The following RASA4B variants were observed in gnomAD, a reference collection of about 807,000 sequenced individuals.
The protein encoded by RASA4B is RAS p21 protein activator 4B.
In RASA4B, 2 loss-of-function variants were observed where a neutral mutation model predicts 24.2. That is an observed-to-expected ratio of 0.08 (90% CI 0.03 to 0.26). RASA4B has a LOEUF of 0.26. Among genes scored for constraint, RASA4B ranks in the 10% least tolerant of loss-of-function variants. RASA4B has a pLI of 1.00. For missense variants in RASA4B, 8 were observed against 277.2 expected (o/e 0.03, Z 6.90); for synonymous variants, 2 against 125.6 (o/e 0.02, Z 6.58).
chr7:102,492,679 T>A (rs1204558774), intron 16 of RASA4B, among the ~76,000 whole-genome samples: 7 of 144,504 alleles, frequency 4.8e-5, no homozygotes, highest in Non-Finnish European at 1.1e-4. Flanking sequence ...TTTTTTTTTT[T>A]TTTGAGACGG....
rs1429989931 is a variant in RASA4B at position 102,480,746 on chromosome 7, TAAGGACGCTTACA to T, written c.*2833_*2845del. On this transcript the variant is annotated 3_prime_UTR_variant, in exon 21 of 21. Coordinates refer to ENST00000465829, the MANE Select transcript of RASA4B (RefSeq NM_001367767.2). ...CATTCCACTATGTAGCTCTGAAAGA[TAAGGACGCTTACA>T]ACACAACTGCAATATCTTTTTTGTT... Among the ~76,000 whole-genome samples, 2 of 55,544 alleles carry T rather than the reference TAAGGACGCTTACA, an allele frequency of 3.6e-5. No individual in the cohort carries two copies. The highest frequency in any genetic ancestry group is 6.3e-4 in the East Asian group (2 of 3,154). The allele number at this position is 55,544 out of a possible 152,430, so 36.4% of individuals were successfully genotyped here.
chr7:102,487,246 G>A lies in RASA4B; in HGVS notation c.2104+1217C>T, dbSNP rs531251817. ...TTGGAGGCTGCAGTGAGCTATGATC[G>A]TGCCGTGCCACTGCACTCCAGCCTG... On this transcript the variant is annotated intron_variant, in intron 18 of 20. Transcript: ENST00000465829. 1.7e-4 allele frequency among the ~76,000 whole-genome samples: 17 copies of A among 97,564 alleles called. 4 individuals carry two copies. In the South Asian group the frequency reaches 2.0e-3, roughly 11 times the overall value. The allele number at this position is 97,564 out of a possible 152,430, so 64.0% of individuals were successfully genotyped here. A position where few individuals can be genotyped will look rare whatever the true frequency, so the allele number is the denominator to read the frequency against.
At chr7:102,489,585 C>G (rs1417454376) in intron 17 of RASA4B, among the ~76,000 whole-genome samples, 1 of 147,420 alleles carries the variant, frequency 6.8e-6, no homozygotes, top group African/African-American at 2.5e-5. Context: ...CTCCACCTCC[C>G]AGGTTCAAGC....
Position 102,480,365 on chromosome 7 carries a change from G to T in RASA4B, c.*3227C>A, listed in dbSNP as rs1372211483. Among the ~76,000 whole-genome samples, 1 of 151,556 alleles carries T rather than the reference G, an allele frequency of 6.6e-6. No homozygotes were observed. The highest frequency in any genetic ancestry group is 1.5e-5 in the Non-Finnish European group (1 of 67,776). Reference sequence around the variant, plus strand: ...AGCCAGCAAGGCTTGGGGTTTCCCTGTTTGGAGCTCTCCAAGTTGAGAGTG... The same window carrying T: ...AGCCAGCAAGGCTTGGGGTTTCCCTTTTTGGAGCTCTCCAAGTTGAGAGTG... On this transcript the variant is annotated 3_prime_UTR_variant, in exon 21 of 21. Transcript: ENST00000465829.
intron 8 of RASA4B, among the ~76,000 whole-genome samples, chr7:102,498,083 G>T: frequency 8.4e-6 from 1 of 119,462 alleles, no homozygotes; most frequent in Non-Finnish European, 1.8e-5. Flanking sequence ...ATTTTTTTTA[G>T]AGATGGGGTC....
intron 5 of RASA4B, among the ~76,000 whole-genome samples, chr7:102,504,748 C>G (rs1362931890): frequency 5.9e-4 from 86 of 145,068 alleles, no homozygotes; most frequent in African/African-American, 2.1e-3. Flanking sequence ...GCCTGTAATC[C>G]CAGTACTTTG....
intron 17 of RASA4B, among the ~76,000 whole-genome samples, chr7:102,489,670 C>G (rs1225221805): frequency 1.3e-5 from 2 of 149,202 alleles, no homozygotes; most frequent in African/African-American, 4.9e-5. Context: ...TTTTTGTACT[C>G]TCCCTGACCA....
intron 5 of RASA4B, 140 bp from the exon 6 acceptor site, chr7:102,503,384 C>T (rs1799382433): frequency 8.3e-4 from 1 of 1,200 alleles, no homozygotes; most frequent in East Asian, 0.014. Context: ...GTGGACAGTG[C>T]GCCTCTGCCC....
rs1798629306 is a variant in RASA4B, at chr7:102,482,501, A to AC, written c.*1090dup. ...GGAGTCAAGTTTTGCCAACCATCGG[A>AC]CCAGCCCCGGGCCTCTATGATGAAG... On this transcript the variant is annotated 3_prime_UTR_variant, in exon 21 of 21. Transcript: ENST00000465829. 1 of 67,962 alleles carries AC rather than the reference A, an allele frequency of 1.5e-5. No individual in the cohort carries two copies. The highest frequency in any genetic ancestry group is 5.2e-5 in the African/African-American group (1 of 19,184). The allele number at this position is 67,962 out of a possible 1,614,324, so 4.2% of individuals were successfully genotyped here. A position where few individuals can be genotyped will look rare whatever the true frequency, so the allele number is the denominator to read the frequency against.
At position 102,481,234 on chromosome 7, in the gene RASA4B, T is replaced by TA. The variant is rs1554581890; in HGVS notation, c.*2357dup. 8.8e-5 allele frequency among the ~76,000 whole-genome samples: 5 copies of TA among 56,574 alleles called. No homozygotes were observed. The highest frequency in any genetic ancestry group is 4.5e-4 in the South Asian group (1 of 2,202). 37.1% of individuals were successfully genotyped at this position (56,574 alleles called of 152,430 possible). The stretch of plus-strand genomic sequence containing the variant: ...TTTCCCTTTTTTTTTTTTTTTTTTT[T>TA]AATTTTAGGGACTAGGTTTTGCTAT... On this transcript the variant is annotated 3_prime_UTR_variant, in exon 21 of 21. Coordinates refer to ENST00000465829, the MANE Select transcript of RASA4B (RefSeq NM_001367767.2).
At chr7:102,497,801 A>G (rs1799212138) in intron 8 of RASA4B, among the ~76,000 whole-genome samples, 1 of 131,260 alleles carries the variant, frequency 7.6e-6, no homozygotes, top group Admixed American at 8.0e-5. Context: ...AAAAAAATAA[A>G]TAAATAAAAA....
chr7:102,480,148 G>C lies in RASA4B; in HGVS notation c.*3444C>G, dbSNP rs1194187309. Among the ~76,000 whole-genome samples the C allele has an allele frequency of 6.6e-6, 1 of 152,104 alleles. No individual in the cohort carries two copies. The highest frequency in any genetic ancestry group is 1.5e-5 in the Non-Finnish European group (1 of 68,014). On this transcript the variant is annotated 3_prime_UTR_variant, in exon 21 of 21. Transcript: ENST00000465829. ...GGACAGGGCCACCAGAGGGCTCCTT[G>C]GTCTAGCGGTAACGCCAGCATCTGG... is the stretch of plus-strand genomic sequence containing the variant.
intron 18 of RASA4B, among the ~76,000 whole-genome samples, chr7:102,485,778 T>C (rs1408448607): frequency 1.6e-5 from 2 of 122,648 alleles, no homozygotes; most frequent in Admixed American, 9.5e-5. Context: ...ACTGTCTGCC[T>C]GGAAGGGAGC....
chr7:102,495,782 ACTACAAC>A, intron 11 of RASA4B, among the ~76,000 whole-genome samples: 1 of 113,632 alleles, frequency 8.8e-6, no homozygotes, highest in African/African-American at 3.1e-5. Flanking sequence ...GCGTGAGCTC[ACTACAAC>A]CTCTGGCTCC....
chr7:102,493,147 GCCTCGGTA>G lies in RASA4B; in HGVS notation c.1791_1798del (p.Thr598ProfsTer27), dbSNP rs1799017122. The G allele has an allele frequency of 1.5e-5, 7 of 467,424 alleles. No individual in the cohort carries two copies. Among genetic ancestry groups the G allele is most frequent in the Admixed American group, 4.0e-5 (1 of 25,106 alleles). The allele number at this position is 467,424 out of a possible 1,614,324, so 29.0% of individuals were successfully genotyped here. ...GCTGGGCGTCTTCGCGAAGCTGAGG[GCCTCGGTA>G]GTGAGGGAGAAGTAGAGCTTCTTGA... On this transcript the variant is annotated frameshift_variant, in exon 16 of 21. Transcript: ENST00000465829. LOFTEE classifies it high-confidence loss of function.
At chr7:102,506,894 A>AC in intron 4 of RASA4B, 70 bp from the exon 5 acceptor site, 1 of 198,736 alleles carries the variant, frequency 5.0e-6, no homozygotes, top group Middle Eastern at 1.6e-3. Context: ...CCCACCAGGC[A>AC]CCTTGAGGCA....
At chr7:102,502,577 G>A (rs1367070670) in intron 6 of RASA4B, among the ~76,000 whole-genome samples, 5 of 92,548 alleles carry the variant, frequency 5.4e-5, no homozygotes, top group African/African-American at 1.5e-4. Flanking sequence ...TGGCCAACAT[G>A]GTGAAACCCC....
rs1554583910 is a variant in RASA4B, at chr7:102,499,191, A to ATAT, written c.737+1507_737+1508insATA. On this transcript the variant is annotated intron_variant, in intron 8 of 20. Transcript: ENST00000465829. Reference sequence around the variant, plus strand: ...ACAGAGTGAGATTCTGCTCAAAAAAAAAATATATATATATATATATTCACT... The same window carrying ATAT: ...ACAGAGTGAGATTCTGCTCAAAAAAATATAAATATATATATATATATATTCACT... Among the ~76,000 whole-genome samples the ATAT allele has an allele frequency of 6.7e-4, 58 of 86,294 alleles. No homozygotes were observed. In the South Asian group the frequency reaches 0.012, roughly 18 times the overall value. The allele number at this position is 86,294 out of a possible 152,430, so 56.6% of individuals were successfully genotyped here. A position where few individuals can be genotyped will look rare whatever the true frequency, so the allele number is the denominator to read the frequency against.
At chr7:102,496,092 T>G in intron 11 of RASA4B, 48 bp downstream of exon 11, 1 of 1,611,798 alleles carries the variant, frequency 6.2e-7, no homozygotes, top group South Asian at 1.1e-5. Context: ...TCTCTGAAGC[T>G]CAGTGTTGTC....
Sources: allele counts gnomAD v4.1 joint callset (sites outside exome capture counted in the v4.1 genomes callset), GRCh38; gene constraint gnomAD v4.1.1; transcripts MANE v1.5; gene names NCBI Gene and HGNC (gene_info 2026-07-23, HGNC 2026-07-21).